Variants in UBE2H observed in about 807,000 individuals in gnomAD.
The protein encoded by UBE2H is ubiquitin conjugating enzyme E2 H.
Under a neutral mutation model 29.0 loss-of-function variants are expected in UBE2H, and 3 were observed. The ratio of observed to expected loss-of-function variants is 0.10; its 90% CI spans 0.05 to 0.27. The LOEUF (loss-of-function observed/expected upper bound fraction) is 0.27. UBE2H is among the 10% of genes least tolerant of loss of function. The pLI is 1.00. For synonymous variants in UBE2H, 69 were observed against 82.9 expected (o/e 0.83, Z 0.91); for missense variants, 68 against 228.2 (o/e 0.30, Z 4.52).
chr7:129,918,118 C>T (rs1310481170), intron 1 of UBE2H, among the ~76,000 whole-genome samples: 1 of 152,174 alleles, frequency 6.6e-6, no homozygotes, highest in Non-Finnish European at 1.5e-5. Flanking sequence ...AAGACAAATG[C>T]TCCTATTAAA....
At chr7:129,881,024 T>G in intron 1 of UBE2H, 53 bp from the exon 2 acceptor site, 1 of 1,521,766 alleles carries the variant, frequency 6.6e-7, no homozygotes, top group South Asian at 1.2e-5. Context: ...CTGGCAGAAT[T>G]ACCAATAACA....
chr7:129,868,371 G>C (rs192420775), intron 3 of UBE2H, among the ~76,000 whole-genome samples: 1 of 151,866 alleles, frequency 6.6e-6, no homozygotes, highest in Non-Finnish European at 1.5e-5. Context: ...ATGAGGTCAG[G>C]AGATCGAGAC....
At chr7:129,852,481 A>T (rs1049587061) in intron 5 of UBE2H, among the ~76,000 whole-genome samples, 6 of 151,264 alleles carry the variant, frequency 4.0e-5, no homozygotes, top group Admixed American at 2.6e-4. Context: ...AAAAAAAAAA[A>T]TTTGTATCTC....
At chr7:129,892,947 TCAAA>T (rs1806526635) in intron 1 of UBE2H, among the ~76,000 whole-genome samples, 1 of 152,170 alleles carries the variant, frequency 6.6e-6, no homozygotes, top group African/African-American at 2.4e-5. Flanking sequence ...GCTAAAGCTG[TCAAA>T]CAGCTTCTGA....
At chr7:129,890,393 T>C (rs779300677) in intron 1 of UBE2H, among the ~76,000 whole-genome samples, 60 of 151,784 alleles carry the variant, frequency 4.0e-4, no homozygotes, top group Non-Finnish European at 7.4e-4. Context: ...ATATATTTTT[T>C]TTAAAGATGG....
At chr7:129,949,185 C>T (rs2116537557) in intron 1 of UBE2H, 1 of 326,262 alleles carries the variant, frequency 3.1e-6, no homozygotes, top group East Asian at 8.6e-5. Context: ...CCCGTGTAAT[C>T]TGAGCTGTTT....
chr7:129,874,037 T>C (rs778272161), intron 3 of UBE2H, among the ~76,000 whole-genome samples: 2 of 152,192 alleles, frequency 1.3e-5, no homozygotes, highest in Non-Finnish European at 2.9e-5. Flanking sequence ...GTATAAATGA[T>C]GACAGGGTTC....
chr7:129,851,190 G>A (rs1206606404), intron 5 of UBE2H, among the ~76,000 whole-genome samples: 4 of 152,192 alleles, frequency 2.6e-5, no homozygotes, highest in African/African-American at 9.7e-5. Flanking sequence ...AAGAAAACAA[G>A]CTCTTGTTCA....
chr7:129,886,733 G>A (rs534768658), intron 1 of UBE2H, among the ~76,000 whole-genome samples: 22 of 129,064 alleles, frequency 1.7e-4, no homozygotes, highest in Non-Finnish European at 3.1e-4. Flanking sequence ...GAAGAAACTT[G>A]GCAATTTTCA....
chr7:129,929,956 G>A (rs1238411152), intron 1 of UBE2H, among the ~76,000 whole-genome samples: 1 of 152,120 alleles, frequency 6.6e-6, no homozygotes, highest in Admixed American at 6.6e-5. Context: ...GTTACAGCGA[G>A]CCAAGATCGC....
At chr7:129,861,433 G>A (rs575649486) in intron 3 of UBE2H, among the ~76,000 whole-genome samples, 1 of 152,234 alleles carries the variant, frequency 6.6e-6, no homozygotes, top group Admixed American at 6.5e-5. Context: ...ACCTGAACCA[G>A]AACTAGGATC....
rs1805244169 is a variant in UBE2H, at chr7:129,832,391, C to T, written c.*2546G>A. 6.6e-6 allele frequency: 1 copy of T among 152,440 alleles called. No individual in the cohort carries two copies. Among genetic ancestry groups the T allele is most frequent in the East Asian group, 1.9e-4 (1 of 5,192 alleles). 9.4% of individuals were successfully genotyped at this position (152,440 alleles called of 1,614,324 possible). A position where few individuals can be genotyped will look rare whatever the true frequency, so the allele number is the denominator to read the frequency against. On this transcript the variant is annotated 3_prime_UTR_variant, in exon 7 of 7. Transcript: ENST00000355621. ...CACAGTGGGATCCATGCGGCAATTA[C>T]AGGAGCTTCCAGCACTAACAGAGGA...
chr7:129,844,000 T>C (rs1355339962), intron 5 of UBE2H, among the ~76,000 whole-genome samples: 1 of 152,222 alleles, frequency 6.6e-6, no homozygotes, highest in Non-Finnish European at 1.5e-5. Context: ...TTTTATACCC[T>C]TTCCTACTAC....
chr7:129,907,279 C>T (rs773745483), intron 1 of UBE2H, among the ~76,000 whole-genome samples: 3 of 152,120 alleles, frequency 2.0e-5, no homozygotes, highest in Non-Finnish European at 4.4e-5. Context: ...AGTGCCAAAA[C>T]AAGCGGTATG....
chr7:129,930,844 G>T (rs889095097), intron 1 of UBE2H, among the ~76,000 whole-genome samples: 1 of 142,588 alleles, frequency 7.0e-6, no homozygotes, highest in African/African-American at 2.6e-5. Context: ...GGAGGCAGGG[G>T]TTGCAGTGAG....
intron 3 of UBE2H, among the ~76,000 whole-genome samples, chr7:129,867,722 AC>A (rs746464461): frequency 9.1e-4 from 51 of 56,144 alleles, no homozygotes; most frequent in Admixed American, 1.4e-3. Flanking sequence ...AAAAAAGAAA[AC>A]CAAAAAAAAA....
Position 129,857,583 on chromosome 7 carries a change from T to G in UBE2H, c.246-20A>C. ...CCTGACCTGAAACAGATGGAAAGAA[T>G]GGCATGTTTTTAAAAATTAGAAAGT... On this transcript the variant is annotated intron_variant, in intron 4 of 6. Coordinates refer to ENST00000355621, the MANE Select transcript of UBE2H (RefSeq NM_003344.4). The G allele has an allele frequency of 6.2e-7, 1 of 1,604,626 alleles. No individual in the cohort carries two copies. Among genetic ancestry groups the G allele is most frequent in the Non-Finnish European group, 8.5e-7 (1 of 1,177,466 alleles).
chr7:129,907,607 G>T (rs1301384198), intron 1 of UBE2H, among the ~76,000 whole-genome samples: 1 of 152,208 alleles, frequency 6.6e-6, no homozygotes, highest in African/African-American at 2.4e-5. Context: ...CATAGCCAGT[G>T]AAGGTTTTAT....
intron 1 of UBE2H, among the ~76,000 whole-genome samples, chr7:129,920,833 A>T (rs12535857): frequency 0.059 from 8,623 of 146,296 alleles, 357 homozygotes; most frequent in Non-Finnish European, 0.089. Context: ...TAATAAACAA[A>T]TGACTAGAAA....
Sources: allele counts gnomAD v4.1 joint callset (sites outside exome capture counted in the v4.1 genomes callset), GRCh38; gene constraint gnomAD v4.1.1; transcripts MANE v1.5; gene names NCBI Gene and HGNC (gene_info 2026-07-23, HGNC 2026-07-21).